Variants in SENP6 observed in about 807,000 individuals in gnomAD.
SENP6 encodes the protein sentrin-specific protease 6.
SENP6 carries 41 observed loss-of-function variants against 134.5 expected under a neutral mutation model. The ratio of observed to expected loss-of-function variants is 0.30; its 90% CI spans 0.24 to 0.40. SENP6 has a LOEUF of 0.40. SENP6 is among the 10% of genes least tolerant of loss of function. The probability of loss-of-function intolerance (pLI) is 1.00; values close to 1 mark genes in which losing one functional copy is unlikely to be tolerated. For missense variants in SENP6, 1,248 were observed against 1,312.5 expected, an observed-to-expected ratio of 0.95 and a Z score of 0.76; for synonymous variants, 395 against 429.8, an observed-to-expected ratio of 0.92 and a Z score of 1.00.
intron 1 of SENP6, chr6:75,611,089 C>T (rs1582656519): frequency 2.8e-5 from 4 of 143,000 alleles, no homozygotes; most frequent in Admixed American, 1.4e-4. Flanking sequence ...TTTCTACCTT[C>T]ATAACCTCCT....
At chr6:75,615,369 G>A (rs189158893) in intron 1 of SENP6, among the ~76,000 whole-genome samples, 4 of 150,820 alleles carry the variant, frequency 2.7e-5, no homozygotes, top group South Asian at 2.1e-4. Context: ...TAGTAGAGAC[G>A]GGGTTTCGCA....
chr6:75,628,852 TGGGACTACA>T (rs947187148), intron 3 of SENP6, among the ~76,000 whole-genome samples: 8 of 152,108 alleles, frequency 5.3e-5, no homozygotes, highest in African/African-American at 9.7e-5. Flanking sequence ...CCCAAGTAGC[TGGGACTACA>T]GGTGCCTGCC....
At chr6:75,674,599 C>G (rs1488270265) in intron 11 of SENP6, among the ~76,000 whole-genome samples, 1 of 152,144 alleles carries the variant, frequency 6.6e-6, no homozygotes, top group South Asian at 2.1e-4. Flanking sequence ...TAAAAGCCAC[C>G]GTTCCCTGCC....
rs571418357 is a variant in SENP6 at position 75,624,972 on chromosome 6, A to C, written c.207+1012A>C. On this transcript the variant is annotated intron_variant, in intron 3 of 23. Coordinates refer to ENST00000447266, the MANE Select transcript of SENP6 (RefSeq NM_015571.4). ...CATAGTGAGACTCCATCTCTAAAAA[A>C]TAAAAAATTTTGCACTGTAGTACAT... 7.2e-5 allele frequency among the ~76,000 whole-genome samples: 11 copies of C among 152,310 alleles called. No homozygotes were observed. In the East Asian group the frequency reaches 2.1e-3, roughly 29 times the overall value.
Position 75,674,118 on chromosome 6 carries a change from G to A in SENP6, c.1393-1317G>A, listed in dbSNP as rs539952950. 6.2e-5 allele frequency among the ~76,000 whole-genome samples: 9 copies of A among 146,080 alleles called. No homozygotes were observed. In the South Asian group the frequency reaches 8.9e-4, roughly 14 times the overall value. Reference sequence around the variant, plus strand: ...CAAAACATATAATGTCAACATCCACGTATGCTAGAATGTTTCGCAAGCTAC... The same window carrying A: ...CAAAACATATAATGTCAACATCCACATATGCTAGAATGTTTCGCAAGCTAC... On this transcript the variant is annotated intron_variant, in intron 11 of 23. Transcript: ENST00000447266.
chr6:75,622,211 A>G (rs184106375), intron 2 of SENP6, among the ~76,000 whole-genome samples: 4 of 152,350 alleles, frequency 2.6e-5, no homozygotes, highest in Admixed American at 1.3e-4. Context: ...ATTTTAAATG[A>G]TAGTTTTAAT....
intron 1 of SENP6, among the ~76,000 whole-genome samples, chr6:75,609,521 C>G (rs964066294): frequency 8.5e-5 from 13 of 152,194 alleles, no homozygotes; most frequent in African/African-American, 2.7e-4. Flanking sequence ...TAATTTGCAG[C>G]TATCTTTAAT....
At chr6:75,647,941 T>A (rs613562) in intron 7 of SENP6, 140 bp downstream of exon 7, 133,669 of 491,976 alleles carry the variant, frequency 0.27, 19,874 homozygotes, top group African/African-American at 0.44. Flanking sequence ...GTAACTGATT[T>A]GAGAATTTCT....
chr6:75,666,095 G>T (rs1772188203), intron 9 of SENP6, among the ~76,000 whole-genome samples: 1 of 142,324 alleles, frequency 7.0e-6, no homozygotes, highest in Non-Finnish European at 1.5e-5. Context: ...ACGTATATAT[G>T]ATATATATAA....
At chr6:75,695,461 G>T (rs570633115) in intron 16 of SENP6, among the ~76,000 whole-genome samples, 127 of 152,318 alleles carry the variant, frequency 8.3e-4, no homozygotes, top group African/African-American at 2.9e-3. Flanking sequence ...CTGTGGCCGG[G>T]CGCCATGGCT....
intron 19 of SENP6, among the ~76,000 whole-genome samples, chr6:75,705,958 A>G (rs1350541177): frequency 8.3e-4 from 39 of 47,176 alleles, no homozygotes; most frequent in African/African-American, 2.6e-3. Flanking sequence ...TTTTTTTGAG[A>G]TGGAGTCTCT....
chr6:75,710,695 T>C (rs886990172), intron 20 of SENP6, among the ~76,000 whole-genome samples: 69 of 152,192 alleles, frequency 4.5e-4, no homozygotes, highest in African/African-American at 1.4e-3. Flanking sequence ...ACTGCTTTAT[T>C]ATTACTATTA....
chr6:75,637,140 T>G (rs546505558), intron 5 of SENP6, among the ~76,000 whole-genome samples: 17 of 152,256 alleles, frequency 1.1e-4, no homozygotes, highest in Admixed American at 8.5e-4. Context: ...CACCGTAAAG[T>G]GCTGGAATTA....
intron 11 of SENP6, among the ~76,000 whole-genome samples, chr6:75,673,536 C>A (rs1019165162): frequency 6.6e-6 from 1 of 151,184 alleles, no homozygotes; most frequent in Non-Finnish European, 1.5e-5. Context: ...CTTGGCCAGG[C>A]TGGTCTCAAA....
intron 17 of SENP6, among the ~76,000 whole-genome samples, chr6:75,696,512 CTG>C (rs1445973433): frequency 4.6e-5 from 7 of 152,254 alleles, no homozygotes; most frequent in African/African-American, 1.7e-4. Context: ...GGGTCTCACT[CTG>C]TCACCCAGGC....
At chr6:75,685,453 C>T (rs183955357) in intron 16 of SENP6, among the ~76,000 whole-genome samples, 3 of 152,092 alleles carry the variant, frequency 2.0e-5, no homozygotes, top group South Asian at 2.1e-4. Flanking sequence ...TCTTGCTTCT[C>T]TAGTTTTTTA....
At chr6:75,633,456 A>T in intron 3 of SENP6, 125 bp from the exon 4 acceptor site, 1 of 763,470 alleles carries the variant, frequency 1.3e-6, no homozygotes, top group Non-Finnish European at 2.0e-6. Context: ...ATCCATGCCA[A>T]TGCTATCCAC....
chr6:75,641,749 G>A (rs1365936543), intron 6 of SENP6, among the ~76,000 whole-genome samples: 2 of 152,090 alleles, frequency 1.3e-5, no homozygotes, highest in Non-Finnish European at 1.5e-5. Context: ...AGGGCAAAGC[G>A]GGAGTATCTC....
At chr6:75,608,493 GA>G (rs2149817638) in intron 1 of SENP6, among the ~76,000 whole-genome samples, 1 of 150,946 alleles carries the variant, frequency 6.6e-6, no homozygotes, top group East Asian at 1.9e-4. Context: ...GAAAGAAGAG[GA>G]AAAAGAGGAA....
Sources: gnomAD v4.1 joint callset for allele counts (sites outside exome capture counted in the v4.1 genomes callset) on GRCh38, gnomAD v4.1.1 for gene constraint, MANE v1.5 for transcripts, NCBI Gene and HGNC (gene_info 2026-07-23, HGNC 2026-07-21) for gene names.